The following CSMD1 variants were observed in gnomAD, a reference collection of about 807,000 sequenced individuals.
CSMD1 encodes CUB and sushi domain-containing protein 1.
In CSMD1, 213 loss-of-function variants were observed where a neutral mutation model predicts 417.5. That is an observed-to-expected ratio of 0.51 (90% CI 0.46 to 0.57). The LOEUF (loss-of-function observed/expected upper bound fraction) is 0.57. Ranked by LOEUF, CSMD1 falls within the 20% of genes least tolerant of loss-of-function variation. CSMD1 has a pLI of 0.00. For synonymous variants in CSMD1, 2,862 were observed against 1,736.8 expected (o/e 1.65, Z -16.11); for missense variants, 6,923 against 4,529.7 (o/e 1.53, Z -15.17).
In CSMD1 at chr8:3,678,687, C is replaced by T. The variant is rs183998737; in HGVS notation, c.1009+29727G>A. The stretch of plus-strand genomic sequence containing the variant: ...ATGCAAATTCAGGAAACACAGAGGA[C>T]GCCACAAAGATACTCCTCGAGAAGA... On this transcript the variant is annotated intron_variant, in intron 7 of 69. Transcript: ENST00000635120. Among the ~76,000 whole-genome samples the T allele has an allele frequency of 1.1e-3, 172 of 152,124 alleles. 1 individual carries two copies. The highest frequency in any genetic ancestry group is 3.0e-3 in the African/African-American group (125 of 41,510).
chr8:4,906,241 T>G (rs368281559), intron 1 of CSMD1, among the ~76,000 whole-genome samples: 1 of 152,224 alleles, frequency 6.6e-6, no homozygotes, highest in Non-Finnish European at 1.5e-5. Flanking sequence ...ATTCTGAAGA[T>G]GACACTTCCT....
At chr8:4,133,030 T>C (rs1585386781) in intron 3 of CSMD1, among the ~76,000 whole-genome samples, 1 of 152,136 alleles carries the variant, frequency 6.6e-6, no homozygotes, top group South Asian at 2.1e-4. Flanking sequence ...GACTCCCGGG[T>C]TAAAGCGATT....
At position 3,583,632 on chromosome 8, in the gene CSMD1, G is replaced by T. The variant is rs773924623; in HGVS notation, c.1222+2504C>A. On this transcript the variant is annotated intron_variant, in intron 9 of 69. Transcript: ENST00000635120. ...CATGATAGGAAAGACATAAACTGAG[G>T]GGAGGACTATCAAACAAACAGGAAT... Among the ~76,000 whole-genome samples the T allele has an allele frequency of 2.6e-5, 4 of 151,938 alleles. No individual in the cohort carries two copies. In the East Asian group the frequency reaches 7.8e-4, roughly 29 times the overall value.
intron 3 of CSMD1, among the ~76,000 whole-genome samples, chr8:4,247,378 G>C (rs911961443): frequency 1.2e-4 from 19 of 152,124 alleles, no homozygotes; most frequent in Admixed American, 1.2e-3. Context: ...GTAAGGTAGA[G>C]TCAGTTGTAG....
intron 46 of CSMD1, among the ~76,000 whole-genome samples, chr8:3,099,719 A>T (rs1053029602): frequency 1.3e-5 from 2 of 152,210 alleles, no homozygotes; most frequent in Non-Finnish European, 2.9e-5. Context: ...GCAATGATCT[A>T]ACCCAGAAGC....
intron 12 of CSMD1, among the ~76,000 whole-genome samples, chr8:3,445,461 A>T (rs1815239295): frequency 6.6e-6 from 1 of 152,224 alleles, no homozygotes. Flanking sequence ...AGTGAGGTCA[A>T]CTTAAACACA....
intron 12 of CSMD1, among the ~76,000 whole-genome samples, chr8:3,417,895 C>T (rs1037790780): frequency 1.3e-5 from 2 of 152,206 alleles, no homozygotes; most frequent in Non-Finnish European, 2.9e-5. Flanking sequence ...CCCGGCATTA[C>T]TGAAAACCAT....
chr8:3,697,896 G>A (rs1199925123), intron 7 of CSMD1, among the ~76,000 whole-genome samples: 1 of 151,786 alleles, frequency 6.6e-6, no homozygotes, highest in Non-Finnish European at 1.5e-5. Flanking sequence ...ATTACGCAAA[G>A]TGAGTTTTTC....
At chr8:4,108,507 G>C (rs747565464) in intron 3 of CSMD1, among the ~76,000 whole-genome samples, 1 of 152,182 alleles carries the variant, frequency 6.6e-6, no homozygotes, top group African/African-American at 2.4e-5. Context: ...TATAAATGCA[G>C]TTTTAATTTG....
chr8:3,672,810 C>A (rs1461257437), intron 7 of CSMD1, among the ~76,000 whole-genome samples: 4 of 152,174 alleles, frequency 2.6e-5, no homozygotes, highest in African/African-American at 9.6e-5. Flanking sequence ...TAAACATTTT[C>A]CAGCAGCACA....
At chr8:3,621,968 TCTC>T (rs1464472601) in intron 7 of CSMD1, among the ~76,000 whole-genome samples, 1 of 110,266 alleles carries the variant, frequency 9.1e-6, no homozygotes, top group Non-Finnish European at 1.9e-5. Flanking sequence ...CTTATGTCTC[TCTC>T]TCTCTTTGTG....
intron 3 of CSMD1, among the ~76,000 whole-genome samples, chr8:4,395,984 A>C (rs1461021989): frequency 6.6e-6 from 1 of 152,176 alleles, no homozygotes; most frequent in Non-Finnish European, 1.5e-5. Context: ...ATATTCTGTT[A>C]CTTTTAAAAA....
chr8:3,602,617 T>C (rs1282771152), intron 8 of CSMD1, among the ~76,000 whole-genome samples: 1 of 152,120 alleles, frequency 6.6e-6, no homozygotes, highest in East Asian at 1.9e-4. Context: ...AAGTAGAATA[T>C]GGCAAACACA....
At chr8:3,209,300 T>G (rs2116781785) in intron 30 of CSMD1, among the ~76,000 whole-genome samples, 1 of 117,472 alleles carries the variant, frequency 8.5e-6, no homozygotes, top group South Asian at 2.4e-4. Flanking sequence ...TGTTTATTTA[T>G]TTATTTATTT....
At chr8:3,285,438 G>C (rs550908407) in intron 25 of CSMD1, among the ~76,000 whole-genome samples, 20 of 150,958 alleles carry the variant, frequency 1.3e-4, no homozygotes, top group Non-Finnish European at 2.8e-4. Context: ...CTAGGCTGGA[G>C]TGCAGTGTCA....
At chr8:4,405,425 T>G (rs1261304514) in intron 3 of CSMD1, among the ~76,000 whole-genome samples, 1 of 152,128 alleles carries the variant, frequency 6.6e-6, no homozygotes, top group South Asian at 2.1e-4. Flanking sequence ...TTAACCTCAG[T>G]TGTCAATTGT....
chr8:3,241,210 G>C (rs1001105637), intron 26 of CSMD1, among the ~76,000 whole-genome samples: 8 of 151,348 alleles, frequency 5.3e-5, no homozygotes, highest in Non-Finnish European at 2.9e-5. Flanking sequence ...TGGGCAGGTG[G>C]GGATAACTAA....
In CSMD1 at chr8:3,250,739, ATGGT is replaced by A. The variant is rs373934564; in HGVS notation, c.4154-20512_4154-20509del. 4.3e-4 allele frequency among the ~76,000 whole-genome samples: 66 copies of A among 152,018 alleles called. 1 individual carries two copies. In the East Asian group the frequency reaches 0.013, roughly 29 times the overall value. Reference sequence around the variant, plus strand: ...GCACCTGTTGTTTCCTGACTTTTTAATGGTTGATTGCCATTCTAACTGGTGTGAG... The same window carrying A: ...GCACCTGTTGTTTCCTGACTTTTTAATGATTGCCATTCTAACTGGTGTGAG... On this transcript the variant is annotated intron_variant, in intron 26 of 69. Coordinates refer to ENST00000635120, the MANE Select transcript of CSMD1 (RefSeq NM_033225.6).
chr8:4,151,907 T>A (rs994289796), intron 3 of CSMD1, among the ~76,000 whole-genome samples: 1 of 152,166 alleles, frequency 6.6e-6, no homozygotes, highest in African/African-American at 2.4e-5. Flanking sequence ...GAGAAGTCCA[T>A]TTGTCTATCA....
Sources: allele counts gnomAD v4.1 joint callset (sites outside exome capture counted in the v4.1 genomes callset), GRCh38; gene constraint gnomAD v4.1.1; transcripts MANE v1.5; gene names NCBI Gene and HGNC (gene_info 2026-07-23, HGNC 2026-07-21).